VPS13C: variants seen among roughly 807,000 people sequenced by gnomAD.
VPS13C encodes intermembrane lipid transfer protein VPS13C.
Under a neutral mutation model 456.8 loss-of-function variants are expected in VPS13C, and 358 were observed. That is an observed-to-expected ratio of 0.78 (90% confidence interval 0.72 to 0.86). VPS13C has a LOEUF of 0.86. Among genes scored for constraint, VPS13C ranks in the 40% least tolerant of loss-of-function variants. The pLI is 0.00. For synonymous variants in VPS13C, 1,578 were observed against 1,486.7 expected, an observed-to-expected ratio of 1.06 and a Z score of -1.41; for missense variants, 4,818 against 4,385.4, an observed-to-expected ratio of 1.10 and a Z score of -2.79.
intron 28 of VPS13C, among the ~76,000 whole-genome samples, chr15:61,968,186 A>G (rs1426874892): frequency 2.0e-5 from 3 of 152,104 alleles, no homozygotes; most frequent in Non-Finnish European, 2.9e-5. Context: ...ACTATTAAAA[A>G]GTTATAAAAC....
chr15:62,046,269 G>A (rs2048399075), intron 1 of VPS13C, among the ~76,000 whole-genome samples: 1 of 152,136 alleles, frequency 6.6e-6, no homozygotes, highest in African/African-American at 2.4e-5. Context: ...AAGACGTAGA[G>A]TCATAGTAAA....
intron 1 of VPS13C, among the ~76,000 whole-genome samples, chr15:62,053,479 G>A (rs1472772077): frequency 1.3e-5 from 2 of 152,156 alleles, no homozygotes; most frequent in Non-Finnish European, 2.9e-5. Flanking sequence ...CGGGTGAAGA[G>A]CAAAAAGGAA....
At chr15:62,032,445 A>C (rs1383663115) in intron 5 of VPS13C, among the ~76,000 whole-genome samples, 1 of 151,806 alleles carries the variant, frequency 6.6e-6, no homozygotes, top group East Asian at 1.9e-4. Context: ...TTCTTCCACT[A>C]TGGTAACCTC....
intron 38 of VPS13C, among the ~76,000 whole-genome samples, chr15:61,952,232 G>A (rs1042114022): frequency 2.6e-5 from 4 of 152,018 alleles, no homozygotes; most frequent in Non-Finnish European, 4.4e-5. Context: ...TTTCATCTTC[G>A]GCACCATTAA....
intron 39 of VPS13C, 90 bp downstream of exon 39, chr15:61,951,734 T>C (rs2044801156): frequency 5.9e-6 from 8 of 1,349,290 alleles, no homozygotes; most frequent in African/African-American, 1.5e-5. Flanking sequence ...ATTAACACAA[T>C]TGCACAGAAA....
chr15:61,991,136 T>C (rs761993187), intron 17 of VPS13C, 42 bp from the exon 18 acceptor site: 2 of 1,430,090 alleles, frequency 1.4e-6, no homozygotes, highest in South Asian at 2.5e-5. Flanking sequence ...TGCTTCCATT[T>C]TACAAATATA....
intron 58 of VPS13C, 70 bp downstream of exon 58, chr15:61,919,219 T>C: frequency 6.9e-7 from 1 of 1,454,952 alleles, no homozygotes; most frequent in Non-Finnish European, 9.3e-7. Context: ...ACTGTATTCC[T>C]ATATTCAGCT....
intron 42 of VPS13C, 70 bp from the exon 43 acceptor site, chr15:61,947,379 TC>T (rs2140278027): frequency 8.6e-7 from 1 of 1,164,118 alleles, no homozygotes. Context: ...TAACCTCAAA[TC>T]CACCAAAATA....
intron 3 of VPS13C, among the ~76,000 whole-genome samples, chr15:62,036,588 G>C (rs934376573): frequency 1.3e-5 from 2 of 151,918 alleles, no homozygotes; most frequent in Non-Finnish European, 2.9e-5. Flanking sequence ...ATTTACAATA[G>C]GTACTGTTAC....
rs763032867 is a variant in VPS13C, at chr15:61,922,573, T to A, written c.6799A>T (p.Ile2267Phe). 1.9e-6 allele frequency: 3 copies of A among 1,614,024 alleles called. No homozygotes were observed. Among genetic ancestry groups the A allele is most frequent in the African/African-American group, 1.3e-5 (1 of 74,950 alleles). The stretch of plus-strand genomic sequence containing the variant: ...TTTTCCTCTATCAGTGAATGTTCAA[T>A]GCCTTTGAAGCTTTCCGTTATTTCT... ...ATEITESFKG[I>F]EHSLIEENCG... The change falls in exon 54 of 85, where the codon ATT becomes TTT. Residue 2267 changes from isoleucine to phenylalanine, a missense_variant. Coordinates refer to ENST00000644861, the MANE Select transcript of VPS13C (RefSeq NM_020821.3).
Position 61,856,397 on chromosome 15 carries a change from A to G in VPS13C, c.10965T>C (p.Cys3655=), listed in dbSNP as rs755099127. 2 of 1,612,274 alleles carry G rather than the reference A, an allele frequency of 1.2e-6. No homozygotes were observed. The highest frequency in any genetic ancestry group is 2.2e-5 in the South Asian group (2 of 90,620). The change falls in exon 83 of 85, where the codon TGT becomes TGC. Residue 3655 remains cysteine (C), a synonymous_variant. Transcript: ENST00000644861. ...ILMVTNRRVL[C]IKEVEILGLM... ...GGCCCAGGATTTCAACTTCCTTTAT[A>G]CACAACACTCGCCTATTTTGCAAAA...
intron 16 of VPS13C, among the ~76,000 whole-genome samples, chr15:61,995,764 C>T (rs954932652): frequency 4.9e-4 from 75 of 152,170 alleles, no homozygotes; most frequent in African/African-American, 1.7e-3. Context: ...TACCATAGTC[C>T]CAAACCAACA....
intron 81 of VPS13C, chr15:61,865,896 A>C (rs1318648443): frequency 4.1e-6 from 4 of 969,394 alleles, no homozygotes; most frequent in Non-Finnish European, 4.9e-6. Flanking sequence ...CATATTAAAG[A>C]ATACAAAGTA....
chr15:62,008,628 CA>C, intron 14 of VPS13C, 26 bp downstream of exon 14: 1 of 1,536,430 alleles, frequency 6.5e-7, no homozygotes, highest in South Asian at 1.2e-5. Flanking sequence ...ATGTTCCTCA[CA>C]AAACAAAAAA....
At chr15:61,987,454 C>T (rs1241009295) in intron 18 of VPS13C, among the ~76,000 whole-genome samples, 1 of 152,122 alleles carries the variant, frequency 6.6e-6, no homozygotes, top group Non-Finnish European at 1.5e-5. Context: ...AGAGCTTGTG[C>T]AGGGGAACTC....
chr15:62,048,353 G>A (rs1210351997), intron 1 of VPS13C, among the ~76,000 whole-genome samples: 1 of 147,444 alleles, frequency 6.8e-6, no homozygotes, highest in Admixed American at 7.0e-5. Flanking sequence ...AACATGTGGT[G>A]TTTGGTTTTT....
intron 66 of VPS13C, among the ~76,000 whole-genome samples, chr15:61,895,266 A>T (rs1319398883): frequency 6.6e-6 from 1 of 152,156 alleles, no homozygotes; most frequent in Admixed American, 6.5e-5. Flanking sequence ...AAGTAGAAAG[A>T]TTTCAAATAA....
chr15:62,032,716 TAC>T (rs1266133894), intron 5 of VPS13C, among the ~76,000 whole-genome samples: 1 of 151,762 alleles, frequency 6.6e-6, no homozygotes, highest in Non-Finnish European at 1.5e-5. Context: ...TAAAAATATA[TAC>T]ACATGCCACC....
At chr15:61,954,391 A>T in intron 38 of VPS13C, 30 bp downstream of exon 38, 1 of 1,595,872 alleles carries the variant, frequency 6.3e-7, no homozygotes, top group East Asian at 2.2e-5. Flanking sequence ...TATTCACCTC[A>T]CTTTACAAAA....
Sources: gnomAD v4.1 joint callset for allele counts (sites outside exome capture counted in the v4.1 genomes callset) on GRCh38, gnomAD v4.1.1 for gene constraint, MANE v1.5 for transcripts, NCBI Gene and HGNC (gene_info 2026-07-23, HGNC 2026-07-21) for gene names.